The following SEMA3A variants were observed in gnomAD, a reference collection of about 807,000 sequenced individuals.
The protein encoded by SEMA3A is semaphorin-3A.
A neutral mutation model predicts 97.9 loss-of-function variants in SEMA3A; 29 were observed. The observed-to-expected ratio is 0.30, with a 90% CI of 0.22 to 0.40. The LOEUF (loss-of-function observed/expected upper bound fraction) is 0.40, where lower values mean the gene tolerates loss of function less well. Among genes scored for constraint, SEMA3A ranks in the 10% least tolerant of loss-of-function variants. The pLI is 1.00. For missense variants in SEMA3A, 763 were observed against 951.3 expected (o/e 0.80, Z 2.60); for synonymous variants, 321 against 323.7 (o/e 0.99, Z 0.09).
chr7:84,379,972 A>G (rs1803214829), intron 1 of SEMA3A, among the ~76,000 whole-genome samples: 1 of 152,180 alleles, frequency 6.6e-6, no homozygotes, highest in Non-Finnish European at 1.5e-5. Context: ...CGTAAATGAA[A>G]GTTATGTTTT....
intron 3 of SEMA3A, among the ~76,000 whole-genome samples, chr7:84,250,602 T>C (rs561615957): frequency 8.5e-5 from 13 of 152,292 alleles, no homozygotes; most frequent in African/African-American, 3.1e-4. Context: ...AATCACAGTG[T>C]GTTTAAAAAA....
intron 2 of SEMA3A, among the ~76,000 whole-genome samples, chr7:84,308,566 G>A (rs116722757): frequency 0.034 from 5,167 of 152,238 alleles, 102 homozygotes; most frequent in South Asian, 0.046. Flanking sequence ...CAAGAATGGA[G>A]TTGAAGAGAG....
At chr7:84,216,740 G>T (rs114337962) in intron 3 of SEMA3A, among the ~76,000 whole-genome samples, 1 of 152,116 alleles carries the variant, frequency 6.6e-6, no homozygotes, top group African/African-American at 2.4e-5. Flanking sequence ...ATACATGGAC[G>T]TCCAGTTGAC....
At chr7:84,227,084 C>T (rs1433386479) in intron 3 of SEMA3A, among the ~76,000 whole-genome samples, 1 of 151,866 alleles carries the variant, frequency 6.6e-6, no homozygotes, top group African/African-American at 2.4e-5. Context: ...ACAGTTTAAA[C>T]AGGTTTTGGC....
At chr7:84,075,137 T>G (rs1793891728) in intron 4 of SEMA3A, among the ~76,000 whole-genome samples, 1 of 151,952 alleles carries the variant, frequency 6.6e-6, no homozygotes, top group Non-Finnish European at 1.5e-5. Context: ...AGACTGAATC[T>G]AAGTAGAAAT....
At chr7:84,256,330 A>G (rs545751401) in intron 3 of SEMA3A, among the ~76,000 whole-genome samples, 60 of 152,180 alleles carry the variant, frequency 3.9e-4, no homozygotes, top group African/African-American at 1.3e-3. Context: ...TCTCTAACTC[A>G]TTTATCTTTG....
At chr7:84,362,124 A>G (rs926892612) in intron 2 of SEMA3A, among the ~76,000 whole-genome samples, 7 of 152,048 alleles carry the variant, frequency 4.6e-5, no homozygotes, top group African/African-American at 1.7e-4. Context: ...TAATTGGATG[A>G]CCTTGGCCAG....
At chr7:83,970,772 G>A (rs1002502396) in intron 15 of SEMA3A, among the ~76,000 whole-genome samples, 2 of 152,022 alleles carry the variant, frequency 1.3e-5, no homozygotes, top group African/African-American at 4.8e-5. Context: ...AAATTCCAGT[G>A]GTTTTTATTA....
chr7:84,136,960 A>AGGAGGAAG (rs376783412), intron 1 of SEMA3A, among the ~76,000 whole-genome samples: 7 of 141,106 alleles, frequency 5.0e-5, no homozygotes, highest in African/African-American at 1.9e-4. Context: ...GAGGGAGGGA[A>AGGAGGAAG]GAAGGAAGGA....
intron 3 of SEMA3A, among the ~76,000 whole-genome samples, chr7:84,223,274 C>T (rs1798919614): frequency 6.6e-6 from 1 of 151,714 alleles, no homozygotes; most frequent in Non-Finnish European, 1.5e-5. Context: ...TGCTTTGTTA[C>T]CTCTCTCCAT....
intron 1 of SEMA3A, among the ~76,000 whole-genome samples, chr7:84,441,210 C>A (rs1256258967): frequency 6.7e-6 from 1 of 150,342 alleles, no homozygotes; most frequent in Non-Finnish European, 1.5e-5. Context: ...AGAAACTGAC[C>A]CTGAAAAGAT....
rs558987383 is a variant in SEMA3A, at chr7:84,122,960, T to C, written c.333+6163A>G. 2.0e-5 allele frequency among the ~76,000 whole-genome samples: 3 copies of C among 152,280 alleles called. No individual in the cohort carries two copies. In the South Asian group the frequency reaches 6.2e-4, roughly 32 times the overall value. ...CAACACTTTGAAATGTATCCAAGAATCAGAATGTTATGAGAGTCTGCTTTT... is the reference window on the plus strand; with the variant it reads ...CAACACTTTGAAATGTATCCAAGAACCAGAATGTTATGAGAGTCTGCTTTT... On this transcript the variant is annotated intron_variant, in intron 3 of 16. Coordinates refer to ENST00000265362, the MANE Select transcript of SEMA3A (RefSeq NM_006080.3).
intron 1 of SEMA3A, among the ~76,000 whole-genome samples, chr7:84,193,121 T>C (rs886826277): frequency 6.6e-6 from 1 of 151,998 alleles, no homozygotes; most frequent in African/African-American, 2.4e-5. Flanking sequence ...TATTCCCAAC[T>C]TGATACTCAG....
At chr7:84,033,803 G>A (rs189548399) in intron 6 of SEMA3A, among the ~76,000 whole-genome samples, 11 of 152,102 alleles carry the variant, frequency 7.2e-5, no homozygotes, top group Admixed American at 6.6e-4. Context: ...GGCCCTGAGA[G>A]TCCACATTTT....
At chr7:84,487,779 T>C (rs1449898751) in intron 1 of SEMA3A, among the ~76,000 whole-genome samples, 1 of 152,130 alleles carries the variant, frequency 6.6e-6, no homozygotes, top group Admixed American at 6.6e-5. Context: ...GAGATTACTT[T>C]TTAAAAATCG....
intron 1 of SEMA3A, among the ~76,000 whole-genome samples, chr7:84,436,955 C>T (rs1805148319): frequency 6.6e-6 from 1 of 152,036 alleles, no homozygotes; most frequent in African/African-American, 2.4e-5. Flanking sequence ...CATTCACCTT[C>T]CTCAAACAGT....
chr7:84,250,818 T>C (rs1169068925), intron 3 of SEMA3A, among the ~76,000 whole-genome samples: 1 of 152,340 alleles, frequency 6.6e-6, no homozygotes, highest in East Asian at 1.9e-4. Flanking sequence ...AAAATACAGT[T>C]ATGGAATTTT....
intron 2 of SEMA3A, among the ~76,000 whole-genome samples, chr7:84,130,100 T>A (rs183340635): frequency 3.3e-5 from 5 of 152,250 alleles, no homozygotes; most frequent in African/African-American, 9.6e-5. Flanking sequence ...TGGGTTTTTT[T>A]ATTCATTTTT....
rs578001399 is a variant in SEMA3A at position 84,289,613 on chromosome 7, T to C, written c.-83+17594A>G. ...ACTAGGATGGCAATGATAAAAAATA[T>C]ATAATGACAAATGTTAGCAAGGATA... On this transcript the variant is annotated intron_variant, in intron 3 of 3. Transcript: ENST00000424555. Among the ~76,000 whole-genome samples, 12 of 152,110 alleles carry C rather than the reference T, an allele frequency of 7.9e-5. No homozygotes were observed. In the East Asian group the frequency reaches 1.7e-3, roughly 22 times the overall value.
Sources: gnomAD v4.1 joint callset for allele counts (sites outside exome capture counted in the v4.1 genomes callset) on GRCh38, gnomAD v4.1.1 for gene constraint, MANE v1.5 for transcripts, NCBI Gene and HGNC (gene_info 2026-07-23, HGNC 2026-07-21) for gene names.